Variants in PTPRN2 observed in about 807,000 individuals in gnomAD.
PTPRN2 encodes the protein receptor-type tyrosine-protein phosphatase N2.
A neutral mutation model predicts 118.8 loss-of-function variants in PTPRN2; 74 were observed. The observed-to-expected ratio is 0.62, with a 90% CI of 0.52 to 0.76. The LOEUF is 0.76. Among genes scored for constraint, PTPRN2 ranks in the 30% least tolerant of loss-of-function variants. The probability of loss-of-function intolerance (pLI) is 0.00; values close to 1 mark genes in which losing one functional copy is unlikely to be tolerated. For missense variants in PTPRN2, 1,481 were observed against 1,394.4 expected (o/e 1.06, Z -0.99); for synonymous variants, 641 against 608.0 (o/e 1.05, Z -0.80).
chr7:157,966,357 TCAA>T (rs1349674380), intron 11 of PTPRN2, among the ~76,000 whole-genome samples: 1 of 151,852 alleles, frequency 6.6e-6, no homozygotes, highest in African/African-American at 2.4e-5. Context: ...ATTTTCATTA[TCAA>T]CATCTTCATC....
At chr7:157,856,342 A>G (rs1809710339) in intron 12 of PTPRN2, among the ~76,000 whole-genome samples, 1 of 152,262 alleles carries the variant, frequency 6.6e-6, no homozygotes, top group Admixed American at 6.5e-5. Flanking sequence ...AAAATGTGCC[A>G]CAGCTGGCTG....
intron 12 of PTPRN2, among the ~76,000 whole-genome samples, chr7:157,757,886 C>CG (rs1801891314): frequency 6.6e-6 from 1 of 152,208 alleles, no homozygotes; most frequent in Non-Finnish European, 1.5e-5. Context: ...CCCCTGACGC[C>CG]CGAGACACCG....
rs140045179 is a variant in PTPRN2, at chr7:158,126,678, G to A, written c.1556+6999C>T. On this transcript the variant is annotated intron_variant, in intron 9 of 22. Transcript: ENST00000389418. ...CACACCAGCCCCCAGGACAGCGGGC[G>A]GCGGAACTTCCTCTCCGCCACACCA... 2.0e-4 allele frequency among the ~76,000 whole-genome samples: 29 copies of A among 143,876 alleles called. 2 individuals carry two copies. Among genetic ancestry groups the A allele is most frequent in the African/African-American group, 5.4e-4 (19 of 34,928 alleles). The allele number at this position is 143,876 out of a possible 152,430, so 94.4% of individuals were successfully genotyped here. A position where few individuals can be genotyped will look rare whatever the true frequency, so the allele number is the denominator to read the frequency against.
intron 11 of PTPRN2, among the ~76,000 whole-genome samples, chr7:157,904,595 T>C (rs1297411962): frequency 6.6e-6 from 1 of 152,246 alleles, no homozygotes; most frequent in African/African-American, 2.4e-5. Flanking sequence ...TCTTTGGAGA[T>C]TGCTGAGTGC....
intron 2 of PTPRN2, among the ~76,000 whole-genome samples, chr7:158,348,242 G>A (rs577293804): frequency 5.3e-5 from 8 of 152,086 alleles, no homozygotes; most frequent in East Asian, 1.9e-4. Flanking sequence ...TGCAGATCCC[G>A]GCCACTGTGC....
At chr7:158,367,755 G>A (rs148505261) in intron 2 of PTPRN2, among the ~76,000 whole-genome samples, 268 of 152,260 alleles carry the variant, frequency 1.8e-3, no homozygotes, top group Non-Finnish European at 3.2e-3. Context: ...AGGAAAAGTC[G>A]TTTGACCTCC....
chr7:158,008,697 T>C (rs1365894398), intron 11 of PTPRN2, among the ~76,000 whole-genome samples: 2 of 152,244 alleles, frequency 1.3e-5, no homozygotes, highest in Non-Finnish European at 2.9e-5. Flanking sequence ...CACGTTGTGA[T>C]TTATCTTCAC....
At chr7:158,466,804 G>T (rs1819421232) in intron 2 of PTPRN2, among the ~76,000 whole-genome samples, 2 of 152,320 alleles carry the variant, frequency 1.3e-5, no homozygotes, top group East Asian at 1.9e-4. Flanking sequence ...ATTTTGGGAG[G>T]CTGAGGCGGG....
chr7:157,806,700 T>C (rs1337952760), intron 12 of PTPRN2, among the ~76,000 whole-genome samples: 4 of 152,214 alleles, frequency 2.6e-5, no homozygotes, highest in Admixed American at 2.0e-4. Context: ...TTGGGAACTA[T>C]TGGATCTTTC....
At chr7:158,575,659 C>A (rs554242271) in intron 1 of PTPRN2, among the ~76,000 whole-genome samples, 2 of 152,306 alleles carry the variant, frequency 1.3e-5, no homozygotes, top group African/African-American at 4.8e-5. Context: ...AGCCAATGTG[C>A]CCGGCCAGGT....
intron 12 of PTPRN2, among the ~76,000 whole-genome samples, chr7:157,878,825 T>C (rs1403843685): frequency 1.1e-5 from 1 of 92,072 alleles, no homozygotes; most frequent in African/African-American, 4.4e-5. Context: ...GTCAGTGTGA[T>C]ACCGTGCACC....
chr7:158,424,982 G>A (rs115317782), intron 2 of PTPRN2, among the ~76,000 whole-genome samples: 1 of 152,206 alleles, frequency 6.6e-6, no homozygotes, highest in Non-Finnish European at 1.5e-5. Context: ...CGGGTGTTTC[G>A]GAGAAGGCAT....
chr7:157,641,589 C>G (rs1804671067), intron 14 of PTPRN2, among the ~76,000 whole-genome samples: 1 of 152,106 alleles, frequency 6.6e-6, no homozygotes, highest in African/African-American at 2.4e-5. Context: ...GTAATGCTGG[C>G]CCAGATGTCA....
intron 2 of PTPRN2, among the ~76,000 whole-genome samples, chr7:158,468,031 G>T (rs929484925): frequency 6.6e-6 from 1 of 152,094 alleles, no homozygotes; most frequent in Non-Finnish European, 1.5e-5. Context: ...AAAATCTCCC[G>T]TAAATTATAA....
chr7:158,215,701 A>G (rs1411923044), intron 3 of PTPRN2, among the ~76,000 whole-genome samples: 1 of 152,192 alleles, frequency 6.6e-6, no homozygotes, highest in Non-Finnish European at 1.5e-5. Flanking sequence ...GGCCACAAGG[A>G]AACAGCACAT....
At chr7:157,686,193 A>G (rs1797183977) in intron 12 of PTPRN2, among the ~76,000 whole-genome samples, 2 of 152,048 alleles carry the variant, frequency 1.3e-5, no homozygotes, top group African/African-American at 4.8e-5. Context: ...CCCGCTTCCT[A>G]CCCGCCCGCG....
At chr7:158,528,673 A>G (rs1824979442) in intron 1 of PTPRN2, among the ~76,000 whole-genome samples, 1 of 151,816 alleles carries the variant, frequency 6.6e-6, no homozygotes, top group African/African-American at 2.4e-5. Flanking sequence ...GGGTGCCTGT[A>G]CTTCCAGCTA....
chr7:157,828,876 C>T (rs1807363038), intron 12 of PTPRN2, among the ~76,000 whole-genome samples: 1 of 152,238 alleles, frequency 6.6e-6, no homozygotes, highest in Non-Finnish European at 1.5e-5. Flanking sequence ...TAAAAGTGAC[C>T]TCCAAGGGCA....
At chr7:157,592,972 C>T (rs1381504913) in intron 17 of PTPRN2, among the ~76,000 whole-genome samples, 1 of 125,266 alleles carries the variant, frequency 8.0e-6, no homozygotes, top group African/African-American at 3.3e-5. Context: ...TGGGCATCAT[C>T]GTGGTCATTG....
Sources: allele counts gnomAD v4.1 joint callset (sites outside exome capture counted in the v4.1 genomes callset), GRCh38; gene constraint gnomAD v4.1.1; transcripts MANE v1.5; gene names NCBI Gene and HGNC (gene_info 2026-07-23, HGNC 2026-07-21).